The following DAAM1 variants were observed in gnomAD, a reference collection of about 807,000 sequenced individuals.
The protein encoded by DAAM1 is dishevelled associated activator of morphogenesis 1.
Under a neutral mutation model 130.0 loss-of-function variants are expected in DAAM1, and 52 were observed. The observed-to-expected ratio is 0.40, with a 90% CI of 0.32 to 0.50. The LOEUF (loss-of-function observed/expected upper bound fraction) is 0.50, where lower values mean the gene tolerates loss of function less well. Ranked by LOEUF, DAAM1 falls within the 20% of genes least tolerant of loss-of-function variation. DAAM1 has a pLI of 0.61. For synonymous variants in DAAM1, 452 were observed against 444.5 expected, an observed-to-expected ratio of 1.02 and a Z score of -0.21; for missense variants, 1,134 against 1,303.8, an observed-to-expected ratio of 0.87 and a Z score of 2.01.
intron 1 of DAAM1, among the ~76,000 whole-genome samples, chr14:59,255,013 CTG>C (rs1210424713): frequency 6.6e-6 from 1 of 152,202 alleles, no homozygotes; most frequent in Non-Finnish European, 1.5e-5. Context: ...GGCTTCCACT[CTG>C]TGTCCCCTGC....
chr14:59,257,496 G>A (rs948802254), intron 1 of DAAM1, among the ~76,000 whole-genome samples: 3 of 109,030 alleles, frequency 2.8e-5, no homozygotes, highest in African/African-American at 8.7e-5. Context: ...ATCTTGAATG[G>A]TGAGTGGAAG....
chr14:59,201,794 A>C (rs1331158650), intron 1 of DAAM1, among the ~76,000 whole-genome samples: 2 of 80,292 alleles, frequency 2.5e-5, no homozygotes, highest in East Asian at 4.4e-4. Flanking sequence ...ATACTGTCTC[A>C]AAAAAAAAAA....
chr14:59,363,425 T>G (rs373590838), intron 22 of DAAM1: 1 of 470,196 alleles, frequency 2.1e-6, no homozygotes, highest in East Asian at 4.0e-5. Flanking sequence ...GTACTTAGAT[T>G]GTTGGTAAAT....
intron 1 of DAAM1, among the ~76,000 whole-genome samples, chr14:59,238,973 G>A (rs1463031494): frequency 2.6e-5 from 4 of 152,178 alleles, no homozygotes; most frequent in Non-Finnish European, 5.9e-5. Flanking sequence ...TCGAAAAAAG[G>A]ACAGCATGAA....
chr14:59,196,644 G>A (rs1887903924), intron 1 of DAAM1, among the ~76,000 whole-genome samples: 2 of 152,046 alleles, frequency 1.3e-5, no homozygotes. Context: ...TCCGGAGGCT[G>A]AGGCAGGAGA....
chr14:59,366,862 C>CATACCTCTGAAT (rs1886935138), intron 23 of DAAM1, among the ~76,000 whole-genome samples: 2 of 151,426 alleles, frequency 1.3e-5, no homozygotes, highest in Non-Finnish European at 2.9e-5. Flanking sequence ...TTGCTGTGAT[C>CATACCTCTGAAT]ATACCTCTGA....
At chr14:59,322,698 T>C (rs901010756) in intron 5 of DAAM1, among the ~76,000 whole-genome samples, 194 bp from the exon 6 acceptor site, 1 of 152,170 alleles carries the variant, frequency 6.6e-6, no homozygotes, top group Non-Finnish European at 1.5e-5. Flanking sequence ...GGGTTTTTTT[T>C]CACACTTTTG....
At chr14:59,291,402 T>C in intron 3 of DAAM1, 96 bp downstream of exon 3, 1 of 960,660 alleles carries the variant, frequency 1.0e-6, no homozygotes. Context: ...CTCTTTGTAA[T>C]ATGAAAACCA....
Position 59,188,727 on chromosome 14 carries a change from C to A in DAAM1, c.-79C>A, listed in dbSNP as rs1214145757. 1 of 152,876 alleles carries A rather than the reference C, an allele frequency of 6.5e-6. No individual in the cohort carries two copies. Among genetic ancestry groups the A allele is most frequent in the African/African-American group, 2.4e-5 (1 of 41,448 alleles). The allele number at this position is 152,876 out of a possible 1,614,324, so 9.5% of individuals were successfully genotyped here. A position where few individuals can be genotyped will look rare whatever the true frequency, so the allele number is the denominator to read the frequency against. ...CTGTTTAACCGGATCCCATTGTACCCAGAGTGCAGAGCCGCCTTTCCAGCA... is the reference window on the plus strand; with the variant it reads ...CTGTTTAACCGGATCCCATTGTACCAAGAGTGCAGAGCCGCCTTTCCAGCA... On this transcript the variant is annotated 5_prime_UTR_variant, in exon 1 of 25. Coordinates refer to ENST00000360909, the MANE Select transcript of DAAM1 (RefSeq NM_001270520.2).
chr14:59,204,724 A>G (rs527931289), intron 1 of DAAM1, among the ~76,000 whole-genome samples: 5 of 152,356 alleles, frequency 3.3e-5, no homozygotes, highest in African/African-American at 1.2e-4. Context: ...AAATGAAAAC[A>G]CAACATCCAA....
In DAAM1 at chr14:59,343,137, C is replaced by T. The variant is rs1885918910; in HGVS notation, c.2075+2957C>T. 3.9e-5 allele frequency among the ~76,000 whole-genome samples: 6 copies of T among 152,302 alleles called. No homozygotes were observed. In the South Asian group the frequency reaches 1.2e-3, roughly 32 times the overall value. On this transcript the variant is annotated intron_variant, in intron 16 of 24. Coordinates refer to ENST00000360909, the MANE Select transcript of DAAM1 (RefSeq NM_001270520.2). Reference sequence around the variant, plus strand: ...TGTGCAGCCCTGGGAAGGGTGCCTGCATGGGAGCTGCCCAGTCAGTGTCCT... The same window carrying T: ...TGTGCAGCCCTGGGAAGGGTGCCTGTATGGGAGCTGCCCAGTCAGTGTCCT...
chr14:59,335,790 T>C (rs1242156712), intron 15 of DAAM1, among the ~76,000 whole-genome samples: 1 of 152,178 alleles, frequency 6.6e-6, no homozygotes, highest in African/African-American at 2.4e-5. Context: ...CCTCTCCTGC[T>C]TATATGTAAT....
chr14:59,222,579 C>T (rs934559803), intron 1 of DAAM1, among the ~76,000 whole-genome samples: 2 of 152,170 alleles, frequency 1.3e-5, no homozygotes, highest in African/African-American at 4.8e-5. Context: ...AACCTCCATC[C>T]CTGCCACCAT....
chr14:59,263,748 T>C, intron 2 of DAAM1, 88 bp downstream of exon 2: 1 of 1,541,766 alleles, frequency 6.5e-7, no homozygotes, highest in South Asian at 1.2e-5. Context: ...TGGTTTGACA[T>C]GGACTTTTCC....
intron 1 of DAAM1, among the ~76,000 whole-genome samples, chr14:59,206,270 A>G (rs1888254636): frequency 6.6e-6 from 1 of 151,898 alleles, no homozygotes; most frequent in Non-Finnish European, 1.5e-5. Context: ...TCAGGTATTT[A>G]TTTTATTTTA....
At position 59,291,199 on chromosome 14, in the gene DAAM1, T is replaced by G. The variant is rs759611544; in HGVS notation, c.184-18T>G. ...AATGTTTATCCTATGAAACACTAAT[T>G]ATTTTCTTTCTTCTCAGGATGAACT... On this transcript the variant is annotated intron_variant, in intron 2 of 24. Transcript: ENST00000360909. 3 of 1,593,800 alleles carry G rather than the reference T, an allele frequency of 1.9e-6. No individual in the cohort carries two copies. Among genetic ancestry groups the G allele is most frequent in the Non-Finnish European group, 2.6e-6 (3 of 1,171,564 alleles).
chr14:59,307,322 CTT>C (rs999122027), intron 3 of DAAM1, among the ~76,000 whole-genome samples: 5 of 152,188 alleles, frequency 3.3e-5, no homozygotes, highest in African/African-American at 1.2e-4. Context: ...TTTGTAAACT[CTT>C]TCAAACATCA....
chr14:59,289,190 C>T (rs756240431), intron 2 of DAAM1, among the ~76,000 whole-genome samples: 2 of 152,152 alleles, frequency 1.3e-5, no homozygotes, highest in Non-Finnish European at 2.9e-5. Context: ...GCTGGGATTA[C>T]AGGCATGAGC....
intron 1 of DAAM1, among the ~76,000 whole-genome samples, chr14:59,222,646 C>G (rs1393675794): frequency 1.3e-5 from 2 of 152,250 alleles, no homozygotes; most frequent in Non-Finnish European, 1.5e-5. Flanking sequence ...AAGAGGCTGA[C>G]TGGCATCCAT....
Sources: allele counts gnomAD v4.1 joint callset (sites outside exome capture counted in the v4.1 genomes callset), GRCh38; gene constraint gnomAD v4.1.1; transcripts MANE v1.5; gene names NCBI Gene and HGNC (gene_info 2026-07-23, HGNC 2026-07-21).